Variants in CREBBP observed in about 807,000 individuals in gnomAD.
CREBBP encodes CREB-binding protein.
A neutral mutation model predicts 265.0 loss-of-function variants in CREBBP; 19 were observed. The ratio of observed to expected loss-of-function variants is 0.07; its 90% CI spans 0.05 to 0.11. The LOEUF (loss-of-function observed/expected upper bound fraction) is 0.11, where lower values mean the gene tolerates loss of function less well. CREBBP is among the 10% of genes least tolerant of loss of function. The pLI is 1.00. For synonymous variants in CREBBP, 1,457 were observed against 1,223.7 expected (o/e 1.19, Z -3.98); for missense variants, 2,525 against 3,219.0 (o/e 0.78, Z 5.22).
At chr16:3,830,598 T>C (rs775250935) in intron 2 of CREBBP, among the ~76,000 whole-genome samples, 12 of 152,110 alleles carry the variant, frequency 7.9e-5, no homozygotes, top group Non-Finnish European at 1.2e-4. Flanking sequence ...TCAAAACACA[T>C]GAAACAAGTA....
intron 1 of CREBBP, among the ~76,000 whole-genome samples, chr16:3,869,912 C>T (rs2055259178): frequency 6.6e-6 from 1 of 152,312 alleles, no homozygotes; most frequent in Admixed American, 6.5e-5. Context: ...AAATGATTCC[C>T]TCAGAGACTT....
intron 3 of CREBBP, among the ~76,000 whole-genome samples, chr16:3,808,300 T>G: frequency 6.6e-6 from 1 of 152,044 alleles, no homozygotes; most frequent in East Asian, 1.9e-4. Context: ...GAGCAGGAGT[T>G]TTTAACTAGG....
intron 26 of CREBBP, among the ~76,000 whole-genome samples, chr16:3,738,029 G>A (rs940698064): frequency 2.6e-5 from 4 of 151,204 alleles, no homozygotes; most frequent in African/African-American, 9.7e-5. Flanking sequence ...CTTGTGATCC[G>A]CCCGCCTCGG....
At chr16:3,748,613 G>C (rs2052402576) in intron 21 of CREBBP, among the ~76,000 whole-genome samples, 1 of 152,208 alleles carries the variant, frequency 6.6e-6, no homozygotes, top group East Asian at 1.9e-4. Context: ...AGCAGGGTCT[G>C]TTTCTTGCCT....
chr16:3,780,680 G>A (rs2141245028), intron 8 of CREBBP, 52 bp downstream of exon 8: 3 of 1,598,944 alleles, frequency 1.9e-6, no homozygotes, highest in Non-Finnish European at 2.6e-6. Flanking sequence ...TAGCCAATGG[G>A]CAACACAGGA....
rs1196052871 is a variant in CREBBP at position 3,726,129 on chromosome 16, T to G, written c.*1589A>C. The G allele has an allele frequency of 1.3e-5, 3 of 232,022 alleles. No homozygotes were observed. Among genetic ancestry groups the G allele is most frequent in the Non-Finnish European group, 2.6e-5 (3 of 117,642 alleles). The allele number at this position is 232,022 out of a possible 1,614,324, so 14.4% of individuals were successfully genotyped here. On this transcript the variant is annotated 3_prime_UTR_variant, in exon 31 of 31. Coordinates refer to ENST00000262367, the MANE Select transcript of CREBBP (RefSeq NM_004380.3). ...AAGGTGTCTGTCCCTCAGCATTTCCTCAAACGCCACACGGGACATGCTGCG... is the reference window on the plus strand; with the variant it reads ...AAGGTGTCTGTCCCTCAGCATTTCCGCAAACGCCACACGGGACATGCTGCG...
intron 1 of CREBBP, among the ~76,000 whole-genome samples, chr16:3,872,645 C>T (rs1007469007): frequency 1.3e-5 from 2 of 152,176 alleles, no homozygotes; most frequent in South Asian, 4.1e-4. Flanking sequence ...GAACGCTGAG[C>T]GCATGTGCTA....
chr16:3,855,597 T>C (rs572833678), intron 1 of CREBBP, among the ~76,000 whole-genome samples: 3 of 152,284 alleles, frequency 2.0e-5, no homozygotes, highest in South Asian at 4.1e-4. Context: ...AGAGGCCAGT[T>C]GTTATTGTAG....
intron 2 of CREBBP, among the ~76,000 whole-genome samples, chr16:3,818,310 T>C (rs1259854589): frequency 7.0e-5 from 10 of 142,436 alleles, no homozygotes; most frequent in African/African-American, 2.3e-4. Context: ...TTTCTTTTTT[T>C]TTTTTTTTTT....
chr16:3,806,387 A>C (rs1277029070), intron 3 of CREBBP, among the ~76,000 whole-genome samples: 1 of 152,064 alleles, frequency 6.6e-6, no homozygotes, highest in African/African-American at 2.4e-5. Context: ...AATTTTAAAT[A>C]AGCAGCACTA....
chr16:3,841,413 C>G (rs191911154), intron 2 of CREBBP, among the ~76,000 whole-genome samples: 1 of 151,772 alleles, frequency 6.6e-6, no homozygotes, highest in African/African-American at 2.4e-5. Flanking sequence ...TAAGAGGAAA[C>G]TTTGTGCTCT....
At chr16:3,849,125 C>A (rs568563203) in intron 2 of CREBBP, among the ~76,000 whole-genome samples, 1 of 152,284 alleles carries the variant, frequency 6.6e-6, no homozygotes, top group South Asian at 2.1e-4. Context: ...ATTCCACTGC[C>A]TGAAGACGTG....
At chr16:3,785,186 C>T (rs939942460) in intron 5 of CREBBP, among the ~76,000 whole-genome samples, 12 of 152,194 alleles carry the variant, frequency 7.9e-5, no homozygotes, top group African/African-American at 2.9e-4. Context: ...ATCAACTGTA[C>T]TGCAACCTCA....
chr16:3,787,403 T>G (rs1270979805), intron 5 of CREBBP, among the ~76,000 whole-genome samples: 1 of 152,126 alleles, frequency 6.6e-6, no homozygotes, highest in African/African-American at 2.4e-5. Context: ...GACCCTTTGG[T>G]GCTTAAGTCA....
chr16:3,764,162 G>A (rs1043217892), intron 16 of CREBBP, among the ~76,000 whole-genome samples: 1 of 152,066 alleles, frequency 6.6e-6, no homozygotes. Flanking sequence ...GGGTAGAGAT[G>A]GGTTCTTGCT....
At chr16:3,786,161 G>A (rs552980263) in intron 5 of CREBBP, among the ~76,000 whole-genome samples, 17 of 152,236 alleles carry the variant, frequency 1.1e-4, no homozygotes, top group Non-Finnish European at 1.6e-4. Context: ...TCAGGAGTTC[G>A]AGACCAGCCT....
rs2054771687 is a variant in CREBBP, at chr16:3,849,451, GTGTGTGTGT to G, written c.798+837_798+845del. On this transcript the variant is annotated intron_variant, in intron 2 of 30. Transcript: ENST00000262367. ...TGTGTGTGTGTGTGTGTGTGTGTGT[GTGTGTGTGT>G]GTGTGTGTGTGTGTGTGTGTGTGTG... Among the ~76,000 whole-genome samples the G allele has an allele frequency of 1.1e-4, 7 of 64,308 alleles. No homozygotes were observed. In the East Asian group the frequency reaches 2.6e-3, roughly 24 times the overall value. 42.2% of individuals were successfully genotyped at this position (64,308 alleles called of 152,430 possible). A position where few individuals can be genotyped will look rare whatever the true frequency, so the allele number is the denominator to read the frequency against.
intron 1 of CREBBP, among the ~76,000 whole-genome samples, chr16:3,874,203 C>A (rs2055354662): frequency 6.6e-6 from 1 of 152,154 alleles, no homozygotes; most frequent in Non-Finnish European, 1.5e-5. Context: ...ATAACTGTTA[C>A]AGAGGAACAA....
intron 1 of CREBBP, among the ~76,000 whole-genome samples, chr16:3,872,670 C>G (rs550617445): frequency 6.6e-6 from 1 of 152,336 alleles, no homozygotes; most frequent in Admixed American, 6.5e-5. Flanking sequence ...GCAGACGGCA[C>G]GGCCAGGAGC....
Sources: allele counts gnomAD v4.1 joint callset (sites outside exome capture counted in the v4.1 genomes callset), GRCh38; gene constraint gnomAD v4.1.1; transcripts MANE v1.5; gene names NCBI Gene and HGNC (gene_info 2026-07-23, HGNC 2026-07-21).